The following TMEM132D variants were observed in gnomAD, a reference collection of about 807,000 sequenced individuals.
TMEM132D encodes transmembrane protein 132D, also known as mature OL transmembrane protein.
TMEM132D carries 21 observed loss-of-function variants against 62.3 expected under a neutral mutation model. The observed-to-expected ratio is 0.34, with a 90% CI of 0.24 to 0.49. The LOEUF (loss-of-function observed/expected upper bound fraction) is 0.49, where lower values mean the gene tolerates loss of function less well. TMEM132D is among the 20% of genes least tolerant of loss of function. The pLI, the probability that TMEM132D is intolerant of heterozygous loss-of-function variation, is 0.99. For synonymous variants in TMEM132D, 621 were observed against 575.6 expected, an observed-to-expected ratio of 1.08 and a Z score of -1.13; for missense variants, 1,346 against 1,402.8, an observed-to-expected ratio of 0.96 and a Z score of 0.65.
chr12:129,795,077 A>G (rs1593164495), intron 1 of TMEM132D, among the ~76,000 whole-genome samples: 1 of 152,108 alleles, frequency 6.6e-6, no homozygotes, highest in Non-Finnish European at 1.5e-5. Flanking sequence ...TTGATTGACT[A>G]TTTCATAGTG....
chr12:129,471,358 G>C (rs1394591581), intron 3 of TMEM132D, among the ~76,000 whole-genome samples: 2 of 151,946 alleles, frequency 1.3e-5, no homozygotes, highest in African/African-American at 4.8e-5. Flanking sequence ...TATTATTACA[G>C]TATCTGTATG....
At chr12:129,504,273 G>A (rs1875262473) in intron 3 of TMEM132D, among the ~76,000 whole-genome samples, 1 of 152,156 alleles carries the variant, frequency 6.6e-6, no homozygotes, top group Admixed American at 6.5e-5. Context: ...TCGATTTAGG[G>A]AGGATTCCTT....
At chr12:129,314,147 G>A (rs1230528743) in intron 4 of TMEM132D, among the ~76,000 whole-genome samples, 2 of 151,724 alleles carry the variant, frequency 1.3e-5, no homozygotes, top group African/African-American at 4.8e-5. Flanking sequence ...TCTCCCCTCT[G>A]TGGTATGTCT....
intron 5 of TMEM132D, among the ~76,000 whole-genome samples, chr12:129,173,872 G>A (rs1338588513): frequency 6.6e-6 from 1 of 152,174 alleles, no homozygotes; most frequent in Non-Finnish European, 1.5e-5. Flanking sequence ...CATGTGCTGA[G>A]GAGGTGATGA....
chr12:129,515,511 C>G (rs1388759173), intron 3 of TMEM132D, among the ~76,000 whole-genome samples: 3 of 152,104 alleles, frequency 2.0e-5, no homozygotes, highest in Admixed American at 6.5e-5. Flanking sequence ...ACATAATCCC[C>G]CAAAATATGG....
intron 4 of TMEM132D, among the ~76,000 whole-genome samples, chr12:129,285,182 A>G (rs1593323230): frequency 6.6e-6 from 1 of 152,160 alleles, no homozygotes; most frequent in Non-Finnish European, 1.5e-5. Context: ...CTGCAATCCA[A>G]GATTGAGACC....
At chr12:129,432,051 C>T (rs1282629744) in intron 3 of TMEM132D, among the ~76,000 whole-genome samples, 4 of 152,224 alleles carry the variant, frequency 2.6e-5, no homozygotes, top group African/African-American at 9.6e-5. Context: ...TATATCATCA[C>T]CTTGCTGTAC....
intron 4 of TMEM132D, among the ~76,000 whole-genome samples, chr12:129,287,835 T>A (rs905010958): frequency 6.6e-6 from 1 of 152,220 alleles, no homozygotes; most frequent in Non-Finnish European, 1.5e-5. Context: ...TTGACACCCT[T>A]ATCAAAAAAC....
intron 1 of TMEM132D, among the ~76,000 whole-genome samples, chr12:129,747,520 TCA>T (rs1869840382): frequency 7.5e-6 from 1 of 133,172 alleles, no homozygotes; most frequent in Admixed American, 7.6e-5. Context: ...ACACACACTC[TCA>T]CACATTCAGA....
Position 129,590,915 on chromosome 12 carries a change from C to A in TMEM132D, c.969-59710G>T, listed in dbSNP as rs527273821. ...ATATTTCCATTGAACGGACCACCAG[C>A]ATCTGACTTCATCTATGCAAAAGAG... On this transcript the variant is annotated intron_variant, in intron 2 of 8. Coordinates refer to ENST00000422113, the MANE Select transcript of TMEM132D (RefSeq NM_133448.3). 3.3e-5 allele frequency among the ~76,000 whole-genome samples: 5 copies of A among 152,272 alleles called. No individual in the cohort carries two copies. The South Asian group carries it at 6.2e-4, about 19-fold the overall frequency.
chr12:129,175,315 T>C (rs1267888498), intron 5 of TMEM132D, among the ~76,000 whole-genome samples: 1 of 152,204 alleles, frequency 6.6e-6, no homozygotes, highest in Non-Finnish European at 1.5e-5. Flanking sequence ...TCAAGAGTGA[T>C]GTGGTACATT....
chr12:129,534,462 A>C (rs993200276), intron 2 of TMEM132D, among the ~76,000 whole-genome samples: 1 of 151,780 alleles, frequency 6.6e-6, no homozygotes, highest in Non-Finnish European at 1.5e-5. Context: ...TTGTATATAC[A>C]TATATGTATA....
intron 1 of TMEM132D, among the ~76,000 whole-genome samples, chr12:129,713,810 C>T (rs1317548124): frequency 6.6e-6 from 1 of 152,200 alleles, no homozygotes; most frequent in Non-Finnish European, 1.5e-5. Flanking sequence ...GGGCCCCACC[C>T]CCAGAGCTTC....
At chr12:129,302,025 G>A (rs1275649627) in intron 4 of TMEM132D, among the ~76,000 whole-genome samples, 1 of 152,078 alleles carries the variant, frequency 6.6e-6, no homozygotes, top group Non-Finnish European at 1.5e-5. Flanking sequence ...ATAAACTACA[G>A]CTACTGTGAA....
chr12:129,507,575 G>A (rs1244040197), intron 3 of TMEM132D, among the ~76,000 whole-genome samples: 1 of 152,162 alleles, frequency 6.6e-6, no homozygotes, highest in Non-Finnish European at 1.5e-5. Context: ...GATGAGATTG[G>A]AGACTACAAT....
chr12:129,533,024 G>A (rs1403274023), intron 2 of TMEM132D, among the ~76,000 whole-genome samples: 6 of 152,090 alleles, frequency 3.9e-5, no homozygotes, highest in Non-Finnish European at 8.8e-5. Context: ...CTAGTGACTC[G>A]CTGGACCTGG....
chr12:129,502,909 G>A (rs1170947184), intron 3 of TMEM132D, among the ~76,000 whole-genome samples: 1 of 152,152 alleles, frequency 6.6e-6, no homozygotes, highest in Non-Finnish European at 1.5e-5. Context: ...GTTGTTCCCA[G>A]GCTTATTTAT....
rs1881031779 is a variant in TMEM132D, at chr12:129,277,363, A to G, written c.1299+60271T>C. ...GAAATGTTTGATATGAAAAAGTTGT[A>G]TTCACACAGAGATCTACTCTTACTG... On this transcript the variant is annotated intron_variant, in intron 4 of 8. Coordinates refer to ENST00000422113, the MANE Select transcript of TMEM132D (RefSeq NM_133448.3). The surrounding 1 kb of genome is among the most constrained non-coding windows in gnomAD (Gnocchi z 4.2). Among the ~76,000 whole-genome samples, 1 of 151,494 alleles carries G rather than the reference A, an allele frequency of 6.6e-6. No homozygotes were observed. The highest frequency in any genetic ancestry group is 1.5e-5 in the Non-Finnish European group (1 of 67,830).
intron 2 of TMEM132D, among the ~76,000 whole-genome samples, chr12:129,625,230 T>G (rs75404226): frequency 5.1e-4 from 77 of 152,336 alleles, no homozygotes; most frequent in African/African-American, 1.8e-3. Context: ...TTAAGAGGTC[T>G]CTACATTTTC....
Sources: allele counts gnomAD v4.1 joint callset (sites outside exome capture counted in the v4.1 genomes callset), GRCh38; gene constraint gnomAD v4.1.1; non-coding constraint Gnocchi (gnomAD v3.1); transcripts MANE v1.5; gene names NCBI Gene and HGNC (gene_info 2026-07-23, HGNC 2026-07-21).